Variants in PARM1 observed in about 807,000 individuals in gnomAD.
PARM1 encodes the protein WSC4, cell wall integrity and stress response component 4 homolog.
A neutral mutation model predicts 24.6 loss-of-function variants in PARM1; 14 were observed. The observed-to-expected ratio is 0.57, with a 90% confidence interval of 0.38 to 0.89. PARM1 has a LOEUF of 0.89. Among genes scored for constraint, PARM1 ranks in the 40% least tolerant of loss-of-function variants. PARM1 has a pLI of 0.00. For missense variants in PARM1, 362 were observed against 380.4 expected, an observed-to-expected ratio of 0.95 and a Z score of 0.40; for synonymous variants, 179 against 156.6, an observed-to-expected ratio of 1.14 and a Z score of -1.07.
At chr4:74,934,204 C>T (rs1384232012) in intron 1 of PARM1, among the ~76,000 whole-genome samples, 1 of 152,084 alleles carries the variant, frequency 6.6e-6, no homozygotes, top group Non-Finnish European at 1.5e-5. Flanking sequence ...TTCAGAAAGA[C>T]GCTTTGAATC....
At chr4:75,030,294 C>T (rs957459888) in intron 2 of PARM1, among the ~76,000 whole-genome samples, 1 of 152,164 alleles carries the variant, frequency 6.6e-6, no homozygotes, top group African/African-American at 2.4e-5. Context: ...CATGTAAAAC[C>T]TTAATCTCTC....
At position 74,933,300 on chromosome 4, in the gene PARM1, C is replaced by T; in HGVS notation, c.-28C>T. 2 of 1,605,734 alleles carry T rather than the reference C, an allele frequency of 1.2e-6. No individual in the cohort carries two copies. Among genetic ancestry groups the T allele is most frequent in the East Asian group, 2.3e-5 (1 of 44,346 alleles). ...TCCGCAAACTCCTTGCCGCCCGCCCCGGGCTGGGCACCAAATACCAGGCTA... is the reference window on the plus strand; with the variant it reads ...TCCGCAAACTCCTTGCCGCCCGCCCTGGGCTGGGCACCAAATACCAGGCTA... On this transcript the variant is annotated 5_prime_UTR_variant, in exon 1 of 4. Coordinates refer to ENST00000307428, the MANE Select transcript of PARM1 (RefSeq NM_015393.4).
intron 1 of PARM1, among the ~76,000 whole-genome samples, chr4:74,995,292 C>T (rs1375634444): frequency 2.0e-5 from 3 of 151,950 alleles, no homozygotes; most frequent in African/African-American, 4.8e-5. Flanking sequence ...GGCAGAAAGG[C>T]GATTTAAGAG....
At chr4:75,038,425 ACTGGTAAC>A (rs368003788) in intron 3 of PARM1, among the ~76,000 whole-genome samples, 1 of 152,216 alleles carries the variant, frequency 6.6e-6, no homozygotes, top group African/African-American at 2.4e-5. Flanking sequence ...GACTCAGTAA[ACTGGTAAC>A]CACCAACACA....
intron 3 of PARM1, among the ~76,000 whole-genome samples, chr4:75,040,773 A>AT (rs1381873596): frequency 2.0e-5 from 3 of 152,116 alleles, no homozygotes; most frequent in East Asian, 3.9e-4. Flanking sequence ...TACAAAGTTT[A>AT]TTTTTTTTAA....
At chr4:74,998,142 C>G (rs930238672) in intron 1 of PARM1, among the ~76,000 whole-genome samples, 4 of 152,196 alleles carry the variant, frequency 2.6e-5, no homozygotes, top group Non-Finnish European at 5.9e-5. Context: ...GTTGGCATTG[C>G]AAACACTGTC....
chr4:75,008,721 C>T (rs1240897142), intron 1 of PARM1, among the ~76,000 whole-genome samples: 1 of 152,140 alleles, frequency 6.6e-6, no homozygotes, highest in African/African-American at 2.4e-5. Context: ...TTACAGGAAG[C>T]TGAGTATGAG....
At chr4:74,960,713 T>C (rs755801396) in intron 1 of PARM1, among the ~76,000 whole-genome samples, 4 of 152,092 alleles carry the variant, frequency 2.6e-5, no homozygotes, top group Non-Finnish European at 5.9e-5. Flanking sequence ...GAAGATCTAC[T>C]GTACAAAAAC....
At chr4:75,034,105 T>A in intron 3 of PARM1, 144 bp downstream of exon 3, 1 of 660,136 alleles carries the variant, frequency 1.5e-6, no homozygotes, top group African/African-American at 1.8e-5. Context: ...GCGGGTGTAC[T>A]CCTACACCAC....
chr4:75,021,406 T>C (rs946332745), intron 2 of PARM1, among the ~76,000 whole-genome samples: 2 of 152,176 alleles, frequency 1.3e-5, no homozygotes, highest in Non-Finnish European at 2.9e-5. Flanking sequence ...TGGGTTGTTA[T>C]AAACTCTCAC....
intron 1 of PARM1, among the ~76,000 whole-genome samples, chr4:75,004,966 A>T (rs1234309491): frequency 6.6e-6 from 1 of 152,246 alleles, no homozygotes; most frequent in Non-Finnish European, 1.5e-5. Context: ...GAAATTACTG[A>T]ACTTTTCTGA....
chr4:75,046,454 A>G lies in PARM1; in HGVS notation c.*207A>G. On this transcript the variant is annotated 3_prime_UTR_variant, in exon 4 of 4. Coordinates refer to ENST00000307428, the MANE Select transcript of PARM1 (RefSeq NM_015393.4). ...AGAACCATTCTTTAAAGGTGAGTGGAGGCTGATTTGCAGCTGAAGTGGGCC... is the reference window on the plus strand; with the variant it reads ...AGAACCATTCTTTAAAGGTGAGTGGGGGCTGATTTGCAGCTGAAGTGGGCC... 2.1e-6 allele frequency: 1 copy of G among 466,038 alleles called. No individual in the cohort carries two copies. Among genetic ancestry groups the G allele is most frequent in the Non-Finnish European group, 3.9e-6 (1 of 255,410 alleles). The allele number at this position is 466,038 out of a possible 1,614,324, so 28.9% of individuals were successfully genotyped here. A position where few individuals can be genotyped will look rare whatever the true frequency, so the allele number is the denominator to read the frequency against.
rs117622856 is a variant in PARM1 at position 75,039,488 on chromosome 4, C to T, written c.848+5527C>T. Among the ~76,000 whole-genome samples the T allele has an allele frequency of 9.7e-4, 147 of 152,010 alleles. No individual in the cohort carries two copies. The East Asian group carries it at 0.024, about 25-fold the overall frequency. On this transcript the variant is annotated intron_variant, in intron 3 of 3. Transcript: ENST00000307428. Reference sequence around the variant, plus strand: ...TGTGGAGCTTGCAGTGAGCCAAAATCGCACCACTGCACTTCAGCCTGCGTG... The same window carrying T: ...TGTGGAGCTTGCAGTGAGCCAAAATTGCACCACTGCACTTCAGCCTGCGTG...
chr4:74,977,766 C>T (rs988688659), intron 1 of PARM1, among the ~76,000 whole-genome samples: 1 of 152,162 alleles, frequency 6.6e-6, no homozygotes, highest in Admixed American at 6.5e-5. Flanking sequence ...GACAGCAAAC[C>T]TCTCAGTGGA....
chr4:75,014,793 T>C (rs1722950412), intron 2 of PARM1, among the ~76,000 whole-genome samples: 1 of 152,108 alleles, frequency 6.6e-6, no homozygotes, highest in South Asian at 2.1e-4. Flanking sequence ...CATCACCCCA[T>C]TAGCACCTTT....
intron 1 of PARM1, among the ~76,000 whole-genome samples, chr4:74,977,788 C>G (rs1722167870): frequency 6.6e-6 from 1 of 152,068 alleles, no homozygotes; most frequent in Admixed American, 6.6e-5. Context: ...ACCCTACAAG[C>G]AAAAAGAGAT....
chr4:74,933,698 G>A (rs1352417023), intron 1 of PARM1, among the ~76,000 whole-genome samples: 7 of 152,222 alleles, frequency 4.6e-5, no homozygotes, highest in Non-Finnish European at 7.3e-5. Flanking sequence ...TCTTCACCAG[G>A]GTTTCGGAGC....
At chr4:75,031,973 G>T (rs113603317) in intron 2 of PARM1, among the ~76,000 whole-genome samples, 2,851 of 152,284 alleles carry the variant, frequency 0.019, 102 homozygotes, top group Admixed American at 0.089. Context: ...CAAGCCAAGA[G>T]GAGCCTTTCA....
At chr4:74,950,547 G>A (rs1721502554) in intron 1 of PARM1, among the ~76,000 whole-genome samples, 1 of 152,142 alleles carries the variant, frequency 6.6e-6, no homozygotes, top group Admixed American at 6.5e-5. Context: ...TCCAAACAAG[G>A]TGACATTCAC....
Sources: allele counts gnomAD v4.1 joint callset (sites outside exome capture counted in the v4.1 genomes callset), GRCh38; gene constraint gnomAD v4.1.1; transcripts MANE v1.5; gene names NCBI Gene and HGNC (gene_info 2026-07-23, HGNC 2026-07-21).